Variants in RUFY3 observed in about 807,000 individuals in gnomAD.
RUFY3 encodes the protein protein RUFY3.
Under a neutral mutation model 84.0 loss-of-function variants are expected in RUFY3, and 34 were observed. The observed-to-expected ratio is 0.40, with a 90% CI of 0.31 to 0.54. The LOEUF (loss-of-function observed/expected upper bound fraction) is 0.54, where lower values mean the gene tolerates loss of function less well. Among genes scored for constraint, RUFY3 ranks in the 20% least tolerant of loss-of-function variants. The pLI is 0.39. For synonymous variants in RUFY3, 242 were observed against 252.9 expected, an observed-to-expected ratio of 0.96 and a Z score of 0.41; for missense variants, 507 against 736.8, an observed-to-expected ratio of 0.69 and a Z score of 3.61.
intron 17 of RUFY3, 111 bp from the exon 18 acceptor site, chr4:70,806,404 CA>C: frequency 8.4e-7 from 1 of 1,191,636 alleles, no homozygotes; most frequent in Admixed American, 1.9e-5. Context: ...AGTAAACATT[CA>C]GTCATTGTTT....
chr4:70,737,074 C>G (rs147576353), intron 1 of RUFY3, among the ~76,000 whole-genome samples: 1 of 152,250 alleles, frequency 6.6e-6, no homozygotes, highest in East Asian at 1.9e-4. Flanking sequence ...GTATCATAAA[C>G]TTTCATATTA....
chr4:70,784,506 T>C (rs988910839), intron 9 of RUFY3, among the ~76,000 whole-genome samples: 1 of 151,920 alleles, frequency 6.6e-6, no homozygotes, highest in African/African-American at 2.4e-5. Context: ...AAAAAACCTA[T>C]AACCCAACTC....
chr4:70,736,275 A>G (rs1720278486), intron 1 of RUFY3, among the ~76,000 whole-genome samples: 1 of 152,244 alleles, frequency 6.6e-6, no homozygotes, highest in Non-Finnish European at 1.5e-5. Flanking sequence ...TGTAAGTCAC[A>G]AGATACAGAA....
intron 8 of RUFY3, among the ~76,000 whole-genome samples, chr4:70,779,350 G>A (rs747479722): frequency 1.3e-5 from 2 of 151,968 alleles, no homozygotes; most frequent in South Asian, 2.1e-4. Flanking sequence ...CTTCCTTTTC[G>A]GCCTCACAAT....
At chr4:70,761,967 G>C (rs1252381055) in intron 1 of RUFY3, among the ~76,000 whole-genome samples, 1 of 152,130 alleles carries the variant, frequency 6.6e-6, no homozygotes, top group Admixed American at 6.6e-5. Context: ...GTACAGTAGG[G>C]AGTTATGACA....
rs1208097907 is a variant in RUFY3 at position 70,778,276 on chromosome 4, A to G, written c.825-93A>G. On this transcript the variant is annotated intron_variant, in intron 7 of 17. Transcript: ENST00000381006. ...TAAAATAAAAAATTATGAACATTAG[A>G]CAATGAAGGATAAGTGTGAAGGGTT... 3 of 534,204 alleles carry G rather than the reference A, an allele frequency of 5.6e-6. No individual in the cohort carries two copies. The South Asian group carries it at 1.1e-4, about 19-fold the overall frequency. The allele number at this position is 534,204 out of a possible 1,614,324, so 33.1% of individuals were successfully genotyped here.
chr4:70,789,841 T>C (rs1730526640), intron 12 of RUFY3: 1 of 1,142,490 alleles, frequency 8.8e-7, no homozygotes, highest in African/African-American at 1.6e-5. Context: ...TATGACTGTT[T>C]TGAACATCAG....
intron 1 of RUFY3, among the ~76,000 whole-genome samples, chr4:70,712,096 T>C (rs563172196): frequency 6.6e-6 from 1 of 152,334 alleles, no homozygotes; most frequent in East Asian, 1.9e-4. Flanking sequence ...TTCTTTTTTC[T>C]TCCCATCTTA....
intron 1 of RUFY3, among the ~76,000 whole-genome samples, chr4:70,735,735 C>T (rs1036480164): frequency 4.0e-5 from 6 of 151,744 alleles, no homozygotes; most frequent in Non-Finnish European, 8.8e-5. Flanking sequence ...GTCTGTAATC[C>T]CAGCACTTTC....
chr4:70,774,094 A>G (rs1423742595), intron 6 of RUFY3, among the ~76,000 whole-genome samples: 1 of 152,170 alleles, frequency 6.6e-6, no homozygotes, highest in Non-Finnish European at 1.5e-5. Context: ...AAGCACATCT[A>G]TTCTTTTTAT....
chr4:70,783,192 T>TA lies in RUFY3; in HGVS notation c.987+10dup, dbSNP rs772722950. 6.4e-5 allele frequency: 96 copies of TA among 1,511,656 alleles called. No individual in the cohort carries two copies. The highest frequency in any genetic ancestry group is 8.4e-5 in the Non-Finnish European group (92 of 1,089,722). The allele number at this position is 1,511,656 out of a possible 1,614,324, so 93.6% of individuals were successfully genotyped here. A position where few individuals can be genotyped will look rare whatever the true frequency, so the allele number is the denominator to read the frequency against. On this transcript the variant is annotated intron_variant, in intron 9 of 17. Coordinates refer to ENST00000381006, the MANE Select transcript of RUFY3 (RefSeq NM_001037442.4). ...TGGAATCCAATCGGAAGGTTAATCTTACTGGATTTATAAAATATTCACTGA... is the reference window on the plus strand; with the variant it reads ...TGGAATCCAATCGGAAGGTTAATCTTAACTGGATTTATAAAATATTCACTGA...
In RUFY3 at chr4:70,705,632, C is replaced by G. The variant is rs534260201; in HGVS notation, c.358+338C>G. 3.6e-4 allele frequency among the ~76,000 whole-genome samples: 55 copies of G among 152,314 alleles called. No homozygotes were observed. The East Asian group carries it at 5.8e-3, about 16-fold the overall frequency. On this transcript the variant is annotated intron_variant, in intron 1 of 11. Coordinates refer to the RUFY3 transcript ENST00000417478. ...GGGGCGAGAAGCGGCCTGCCTGCCCCCCTCCACCCGGGGCGCCCTGGCCCT... is the reference window on the plus strand; with the variant it reads ...GGGGCGAGAAGCGGCCTGCCTGCCCGCCTCCACCCGGGGCGCCCTGGCCCT...
intron 1 of RUFY3, among the ~76,000 whole-genome samples, chr4:70,726,800 G>A (rs1718326521): frequency 1.3e-5 from 2 of 152,212 alleles, no homozygotes; most frequent in Admixed American, 1.3e-4. Flanking sequence ...TCCTCACATG[G>A]AAAGGCGGGG....
intron 1 of RUFY3, among the ~76,000 whole-genome samples, chr4:70,739,792 CCTT>C (rs1209213627): frequency 6.6e-6 from 1 of 150,660 alleles, no homozygotes; most frequent in East Asian, 1.9e-4. Flanking sequence ...GCCAGGCTCA[CCTT>C]CTACCAGACC....
chr4:70,758,017 A>G (rs1477526938), intron 1 of RUFY3, among the ~76,000 whole-genome samples: 2 of 152,234 alleles, frequency 1.3e-5, no homozygotes, highest in South Asian at 2.1e-4. Flanking sequence ...CTTATACAAT[A>G]TAACAGAATC....
At chr4:70,754,883 A>G (rs972928788) in intron 1 of RUFY3, among the ~76,000 whole-genome samples, 8 of 143,770 alleles carry the variant, frequency 5.6e-5, no homozygotes, top group Non-Finnish European at 1.1e-4. Context: ...GTTGTTTTTA[A>G]TCTCATATTA....
chr4:70,804,326 A>AT, intron 16 of RUFY3, 22 bp from the exon 17 acceptor site: 1 of 1,612,420 alleles, frequency 6.2e-7, no homozygotes, highest in South Asian at 1.1e-5. Flanking sequence ...AGAAAAACTA[A>AT]CCAGCTCCCT....
intron 8 of RUFY3, among the ~76,000 whole-genome samples, chr4:70,782,126 G>A (rs967431281): frequency 1.3e-4 from 20 of 151,966 alleles, no homozygotes; most frequent in African/African-American, 3.6e-4. Context: ...TGTCACATGG[G>A]TTCCATGGTG....
chr4:70,716,439 C>T (rs1741630965), intron 1 of RUFY3, among the ~76,000 whole-genome samples: 1 of 152,176 alleles, frequency 6.6e-6, no homozygotes. Context: ...AGCCGCCGCG[C>T]CCTGCCGAAT....
Sources: gnomAD v4.1 joint callset for allele counts (sites outside exome capture counted in the v4.1 genomes callset) on GRCh38, gnomAD v4.1.1 for gene constraint, MANE v1.5 for transcripts, NCBI Gene and HGNC (gene_info 2026-07-23, HGNC 2026-07-21) for gene names.